GPC3: variants seen among roughly 807,000 people sequenced by gnomAD.
The protein encoded by GPC3 is glypican-3.
A neutral mutation model predicts 34.4 loss-of-function variants in GPC3; 3 were observed. The ratio of observed to expected loss-of-function variants is 0.09; its 90% confidence interval spans 0.04 to 0.23. The LOEUF (loss-of-function observed/expected upper bound fraction) is 0.23. Among genes scored for constraint, GPC3 ranks in the 10% least tolerant of loss-of-function variants. The pLI, the probability that GPC3 is intolerant of heterozygous loss-of-function variation, is 1.00. For missense variants in GPC3, 351 were observed against 445.6 expected (o/e 0.79, Z 1.91); for synonymous variants, 177 against 174.0 (o/e 1.02, Z -0.13).
chrX:133,679,065 C>T (rs768144394), intron 5 of GPC3, among the ~76,000 whole-genome samples: 35 of 112,275 alleles, frequency 3.1e-4, no homozygotes, highest in Middle Eastern at 4.6e-3. Context: ...ATTTCCTTAT[C>T]GAGGGCCAAC....
intron 2 of GPC3, among the ~76,000 whole-genome samples, chrX:133,923,162 G>C (rs918853983): frequency 1.8e-5 from 2 of 111,572 alleles, no homozygotes; most frequent in African/African-American, 6.5e-5. Context: ...AGCATCCCAA[G>C]CGACTGTTTG....
chrX:133,687,645 C>T lies in GPC3; in HGVS notation c.1292+4724G>A, dbSNP rs761099329. Reference sequence around the variant, plus strand: ...GTTTCACTATATTGGCCAGGCTGGTCTCGAACTCCTGAACTTGTGATCTGC... The same window carrying T: ...GTTTCACTATATTGGCCAGGCTGGTTTCGAACTCCTGAACTTGTGATCTGC... On this transcript the variant is annotated intron_variant, in intron 5 of 7. Coordinates refer to ENST00000370818, the MANE Select transcript of GPC3 (RefSeq NM_004484.4). Among the ~76,000 whole-genome samples, 66 of 110,149 alleles carry T rather than the reference C, an allele frequency of 6.0e-4. No homozygotes were observed. In the East Asian group the frequency reaches 0.018, roughly 30 times the overall value.
At chrX:133,944,657 C>A (rs966106341) in intron 2 of GPC3, among the ~76,000 whole-genome samples, 2 of 112,215 alleles carry the variant, frequency 1.8e-5, no homozygotes, top group East Asian at 5.5e-4. Context: ...TGCATTTTGA[C>A]ATTAATTATA....
At chrX:133,793,044 T>C (rs1484803943) in intron 2 of GPC3, among the ~76,000 whole-genome samples, 2 of 110,360 alleles carry the variant, frequency 1.8e-5, no homozygotes, top group East Asian at 2.8e-4. Context: ...TTCTGGTTTA[T>C]GATTATTCTG....
intron 5 of GPC3, among the ~76,000 whole-genome samples, chrX:133,670,558 T>G (rs1340594942): frequency 8.9e-6 from 1 of 112,030 alleles, no homozygotes; most frequent in African/African-American, 3.2e-5. Context: ...TATGTATGGC[T>G]AAAAATGTTA....
intron 2 of GPC3, among the ~76,000 whole-genome samples, chrX:133,939,451 A>G (rs766412252): frequency 8.9e-6 from 1 of 111,905 alleles, no homozygotes; most frequent in Non-Finnish European, 1.9e-5. Flanking sequence ...TTACTCTAAG[A>G]AGACTTCATG....
At chrX:133,702,751 G>A (rs2071177878) in intron 3 of GPC3, among the ~76,000 whole-genome samples, 2 of 111,236 alleles carry the variant, frequency 1.8e-5, no homozygotes, top group African/African-American at 6.5e-5. Flanking sequence ...CTCTGTGTGG[G>A]GTAAGGCGCA....
At chrX:133,638,058 CA>C (rs1367150844) in intron 6 of GPC3, among the ~76,000 whole-genome samples, 3 of 111,682 alleles carry the variant, frequency 2.7e-5, no homozygotes, top group Non-Finnish European at 5.6e-5. Context: ...CAATGCAGCA[CA>C]AAGTGTCAGG....
In GPC3 at chrX:133,720,008, A is replaced by T. The variant is rs2071347927; in HGVS notation, c.1033-19980T>A. On this transcript the variant is annotated intron_variant, in intron 3 of 7. Coordinates refer to ENST00000370818, the MANE Select transcript of GPC3 (RefSeq NM_004484.4). The stretch of plus-strand genomic sequence containing the variant: ...ATGCAAATTCAAACCACGATGAGAT[A>T]CCACCTTACTCCTGCAAGAATGGCC... 5.3e-5 allele frequency among the ~76,000 whole-genome samples: 6 copies of T among 112,343 alleles called. No individual in the cohort carries two copies. The South Asian group carries it at 2.2e-3, about 42-fold the overall frequency.
chrX:133,759,477 G>A (rs889550066), intron 2 of GPC3, among the ~76,000 whole-genome samples: 4 of 111,798 alleles, frequency 3.6e-5, no homozygotes, highest in Non-Finnish European at 7.5e-5. Context: ...ATAATCAACT[G>A]ATCTTTGACA....
At chrX:133,756,560 A>C (rs2071727639) in intron 2 of GPC3, among the ~76,000 whole-genome samples, 1 of 112,671 alleles carries the variant, frequency 8.9e-6, no homozygotes, top group African/African-American at 3.2e-5. Flanking sequence ...AGTACAGTGC[A>C]TTCATTCTCC....
At chrX:133,587,072 A>G (rs1172924323) in intron 7 of GPC3, among the ~76,000 whole-genome samples, 1 of 111,493 alleles carries the variant, frequency 9.0e-6, no homozygotes, top group Admixed American at 9.6e-5. Context: ...TCTAGCTGCA[A>G]TTTTGTATCC....
chrX:133,789,725 C>T (rs759424936), intron 2 of GPC3, among the ~76,000 whole-genome samples: 24 of 112,356 alleles, frequency 2.1e-4, no homozygotes, highest in Non-Finnish European at 4.3e-4. Context: ...TACAAAAATG[C>T]TTTTAAAGTA....
At chrX:133,852,985 C>CAAAAAAAAAA (rs33927142) in intron 2 of GPC3, among the ~76,000 whole-genome samples, 1 of 42,111 alleles carries the variant, frequency 2.4e-5, no homozygotes, top group Admixed American at 3.7e-4. Context: ...TTTTAAATTC[C>CAAAAAAAAAA]AAAAAAAAAA....
intron 2 of GPC3, among the ~76,000 whole-genome samples, chrX:133,819,838 A>G (rs2124534432): frequency 8.9e-6 from 1 of 112,106 alleles, no homozygotes; most frequent in South Asian, 3.7e-4. Flanking sequence ...AAGATAATGA[A>G]ACTGAGGTTC....
chrX:133,676,328 G>A (rs1056358436), intron 5 of GPC3, among the ~76,000 whole-genome samples: 3 of 112,332 alleles, frequency 2.7e-5, no homozygotes. Flanking sequence ...AACACACTCA[G>A]CAAGTCTTTG....
At chrX:133,748,928 C>A (rs755204386) in intron 3 of GPC3, among the ~76,000 whole-genome samples, 1 of 111,489 alleles carries the variant, frequency 9.0e-6, no homozygotes, top group East Asian at 2.8e-4. Flanking sequence ...TGGATTTGCT[C>A]CCAAGGGAGC....
intron 5 of GPC3, among the ~76,000 whole-genome samples, chrX:133,664,786 A>C (rs1346662466): frequency 1.9e-5 from 2 of 107,379 alleles, no homozygotes; most frequent in Non-Finnish European, 3.8e-5. Context: ...GCTTAAAATA[A>C]AACAATTAAG....
chrX:133,586,442 T>C (rs890739359), intron 7 of GPC3, among the ~76,000 whole-genome samples: 3 of 111,679 alleles, frequency 2.7e-5, no homozygotes, highest in African/African-American at 9.8e-5. Context: ...TCCTTCAGCT[T>C]TCCTATGACA....
Sources: allele counts gnomAD v4.1 joint callset (sites outside exome capture counted in the v4.1 genomes callset), GRCh38; gene constraint gnomAD v4.1.1; transcripts MANE v1.5; gene names NCBI Gene and HGNC (gene_info 2026-07-23, HGNC 2026-07-21).